The following SNX29 variants were observed in gnomAD, a reference collection of about 807,000 sequenced individuals.
SNX29 encodes sorting nexin 29.
SNX29 carries 78 observed loss-of-function variants against 102.1 expected under a neutral mutation model. The ratio of observed to expected loss-of-function variants is 0.76; its 90% CI spans 0.64 to 0.92. The LOEUF is 0.92. Ranked by LOEUF, SNX29 falls within the 40% of genes least tolerant of loss-of-function variation. The pLI is 0.00. For synonymous variants in SNX29, 580 were observed against 414.5 expected, an observed-to-expected ratio of 1.40 and a Z score of -4.85; for missense variants, 1,280 against 1,061.7, an observed-to-expected ratio of 1.21 and a Z score of -2.86.
At chr16:12,563,004 G>T (rs1242002098) in intron 20 of SNX29, among the ~76,000 whole-genome samples, 1 of 151,140 alleles carries the variant, frequency 6.6e-6, no homozygotes. Flanking sequence ...CTGCTTCAAT[G>T]CGCCTTTCAA....
At chr16:12,566,953 A>T (rs1455068375) in intron 20 of SNX29, among the ~76,000 whole-genome samples, 1 of 152,256 alleles carries the variant, frequency 6.6e-6, no homozygotes, top group Non-Finnish European at 1.5e-5. Context: ...TCAAACTTGA[A>T]ACGAGGGATC....
intron 13 of SNX29, among the ~76,000 whole-genome samples, chr16:12,174,253 C>G (rs748308156): frequency 1.3e-5 from 2 of 152,210 alleles, no homozygotes; most frequent in Non-Finnish European, 2.9e-5. Context: ...TAGAGCGTCT[C>G]CCCTGTGCTT....
intron 14 of SNX29, among the ~76,000 whole-genome samples, chr16:12,220,765 T>C (rs1475745769): frequency 6.6e-6 from 1 of 152,228 alleles, no homozygotes; most frequent in East Asian, 1.9e-4. Context: ...AAGCTTCTTA[T>C]AATAGCTGAA....
intron 14 of SNX29, among the ~76,000 whole-genome samples, chr16:12,235,632 A>G (rs1174545931): frequency 6.6e-6 from 1 of 152,218 alleles, no homozygotes; most frequent in African/African-American, 2.4e-5. Context: ...ATTCAGTAGC[A>G]AGACTCAAAA....
intron 20 of SNX29, among the ~76,000 whole-genome samples, chr16:12,556,703 G>T (rs11644439): frequency 8.9e-4 from 136 of 152,134 alleles, no homozygotes; most frequent in African/African-American, 3.0e-3. Flanking sequence ...AGAAGCCAAA[G>T]GCCAGTGGGT....
rs185724795 is a variant in SNX29, at chr16:12,410,882, A to G, written c.2037+7353A>G. Among the ~76,000 whole-genome samples, 122 of 152,198 alleles carry G rather than the reference A, an allele frequency of 8.0e-4. 3 individuals are homozygous for G. Among genetic ancestry groups the G allele is most frequent in the Admixed American group, 7.1e-3 (108 of 15,284 alleles). ...GTTTGGAGGATGGTGATGTTTTTGG[A>G]CTTCAGGCTTTGCGTTTCTCAGCTC... On this transcript the variant is annotated intron_variant, in intron 18 of 20. Coordinates refer to ENST00000566228, the MANE Select transcript of SNX29 (RefSeq NM_032167.5).
At chr16:12,226,169 T>C (rs1395489056) in intron 14 of SNX29, among the ~76,000 whole-genome samples, 2 of 151,334 alleles carry the variant, frequency 1.3e-5, no homozygotes, top group Non-Finnish European at 3.0e-5. Flanking sequence ...AAAAGTGCTC[T>C]ATGTGTTTAA....
intron 3 of SNX29, among the ~76,000 whole-genome samples, chr16:12,015,274 T>A (rs2056809135): frequency 1.3e-5 from 2 of 152,024 alleles, no homozygotes; most frequent in African/African-American, 4.8e-5. Flanking sequence ...TTGGAGATGG[T>A]GTCTCACTCT....
chr16:12,152,447 G>A (rs2055341458), intron 13 of SNX29, among the ~76,000 whole-genome samples: 1 of 152,160 alleles, frequency 6.6e-6, no homozygotes, highest in Non-Finnish European at 1.5e-5. Flanking sequence ...AGACAGTGTG[G>A]CTTCATGGAA....
At chr16:12,364,011 G>C (rs1297873850) in intron 16 of SNX29, among the ~76,000 whole-genome samples, 1 of 151,914 alleles carries the variant, frequency 6.6e-6, no homozygotes, top group Non-Finnish European at 1.5e-5. Context: ...CTTTTTTTTA[G>C]AGACAGGGTC....
chr16:12,531,097 C>T (rs1230104501), intron 20 of SNX29, among the ~76,000 whole-genome samples: 7 of 152,180 alleles, frequency 4.6e-5, no homozygotes, highest in Non-Finnish European at 1.5e-5. Context: ...TTAAATTTTT[C>T]CTGACATCAC....
At chr16:12,523,518 A>G (rs1220913676) in intron 19 of SNX29, among the ~76,000 whole-genome samples, 1 of 152,144 alleles carries the variant, frequency 6.6e-6, no homozygotes, top group African/African-American at 2.4e-5. Context: ...GGCTACTAGC[A>G]CAGATACACG....
intron 19 of SNX29, among the ~76,000 whole-genome samples, chr16:12,498,919 T>C (rs143468631): frequency 2.6e-5 from 4 of 152,324 alleles, no homozygotes; most frequent in African/African-American, 9.6e-5. Flanking sequence ...TCATCTAGGA[T>C]TGATCTGCTA....
rs544515676 is a variant in SNX29 at position 12,388,414 on chromosome 16, A to G, written c.1900-10032A>G. Among the ~76,000 whole-genome samples the G allele has an allele frequency of 4.6e-5, 7 of 152,310 alleles. No individual in the cohort carries two copies. In the East Asian group the frequency reaches 1.2e-3, roughly 25 times the overall value. ...GAGCCAGGGGCCTCTTTTGATTCTC[A>G]AGCCCTTGACATTTTATAAAGCTAT... On this transcript the variant is annotated intron_variant, in intron 16 of 20. Transcript: ENST00000566228.
chr16:12,355,611 T>C (rs944438834), intron 15 of SNX29, among the ~76,000 whole-genome samples: 2 of 152,142 alleles, frequency 1.3e-5, no homozygotes, highest in African/African-American at 2.4e-5. Context: ...AAGTAAATTA[T>C]AGTTGAATAG....
intron 15 of SNX29, among the ~76,000 whole-genome samples, chr16:12,336,947 AAAAC>A (rs565639398): frequency 3.1e-4 from 47 of 152,322 alleles, no homozygotes; most frequent in South Asian, 1.2e-3. Flanking sequence ...CCCTGTCTCA[AAAAC>A]AAACAAACAA....
intron 13 of SNX29, among the ~76,000 whole-genome samples, chr16:12,194,783 G>A (rs1399767257): frequency 6.6e-6 from 1 of 151,720 alleles, no homozygotes; most frequent in East Asian, 1.9e-4. Flanking sequence ...TGCACCACCA[G>A]GCCCAGCTCA....
chr16:12,214,734 A>G (rs1207985950), intron 14 of SNX29, among the ~76,000 whole-genome samples: 1 of 151,750 alleles, frequency 6.6e-6, no homozygotes, highest in Non-Finnish European at 1.5e-5. Flanking sequence ...GGTGCCTTCT[A>G]TTTACTCTGC....
chr16:12,129,817 A>G (rs931544001), intron 13 of SNX29, 59 bp downstream of exon 13: 15 of 1,518,388 alleles, frequency 9.9e-6, no homozygotes, highest in South Asian at 6.5e-5. Flanking sequence ...AAACCTGAGC[A>G]TACTGGGCCG....
Sources: allele counts gnomAD v4.1 joint callset (sites outside exome capture counted in the v4.1 genomes callset), GRCh38; gene constraint gnomAD v4.1.1; transcripts MANE v1.5; gene names NCBI Gene and HGNC (gene_info 2026-07-23, HGNC 2026-07-21).